Variants in FLNA observed in about 807,000 individuals in gnomAD.
The protein encoded by FLNA is filamin-A.
FLNA carries 7 observed loss-of-function variants against 157.6 expected under a neutral mutation model. The ratio of observed to expected loss-of-function variants is 0.04; its 90% CI spans 0.03 to 0.08. The LOEUF (loss-of-function observed/expected upper bound fraction) is 0.08. FLNA is among the 10% of genes least tolerant of loss of function. The pLI, the probability that FLNA is intolerant of heterozygous loss-of-function variation, is 1.00. For synonymous variants in FLNA, 1,103 were observed against 1,060.8 expected (o/e 1.04, Z -0.77); for missense variants, 1,750 against 2,398.4 (o/e 0.73, Z 5.65).
At chrX:154,368,528 A>T (rs1027491066) in intron 2 of FLNA, among the ~76,000 whole-genome samples, 1 of 111,314 alleles carries the variant, frequency 9.0e-6, no homozygotes, top group African/African-American at 3.3e-5. Context: ...TCCAGGGCCC[A>T]TGACCTGGAG....
intron 2 of FLNA, among the ~76,000 whole-genome samples, chrX:154,370,259 G>A (rs1272767736): frequency 8.9e-6 from 1 of 112,729 alleles, no homozygotes; most frequent in Non-Finnish European, 1.9e-5. Flanking sequence ...AGTCAACCAC[G>A]CCCAACTCAC....
At chrX:154,372,129 C>G (rs5945422) in intron 1 of FLNA, among the ~76,000 whole-genome samples, 1,598 of 113,390 alleles carry the variant, frequency 0.014, 13 homozygotes, top group Non-Finnish European at 0.024. Context: ...AGGAGGCCGC[C>G]GGCACTCCAG....
At position 154,366,045 on chromosome X, in the gene FLNA, AG is replaced by A; in HGVS notation, c.1407del (p.Tyr470ThrfsTer28). ...TFAGVPIPRS[P>X]YTVTVGQACN... ...CTACCTTGGCCAACAGTGACAGTGT[AG>A]GGGCTGCGAGGGATGGGCACGCCGG... On this transcript the variant is annotated frameshift_variant, in exon 9 of 48. Coordinates refer to ENST00000369850, the MANE Select transcript of FLNA (RefSeq NM_001110556.2). LOFTEE classifies it high-confidence loss of function. 8.3e-7 allele frequency: 1 copy of A among 1,207,057 alleles called. No homozygotes were observed.
rs1300433543 is a variant in FLNA, at chrX:154,348,598, C to T, written c.*251G>A. On this transcript the variant is annotated 3_prime_UTR_variant, in exon 48 of 48. Transcript: ENST00000369850. ...CTAGTGGGTGGTTGTGTACAGGACCCCCATCCCTCACCCCTCCCAGAACCA... is the reference window on the plus strand; with the variant it reads ...CTAGTGGGTGGTTGTGTACAGGACCTCCATCCCTCACCCCTCCCAGAACCA... The T allele has an allele frequency of 7.9e-6, 3 of 379,976 alleles. No individual in the cohort carries two copies. Among genetic ancestry groups the T allele is most frequent in the Middle Eastern group, 3.7e-4 (1 of 2,698 alleles). 31.3% of individuals were successfully genotyped at this position (379,976 alleles called of 1,213,427 possible).
In FLNA at chrX:154,350,112, T is replaced by C; in HGVS notation, c.7252A>G (p.Ile2418Val). Residue 2418 changes from isoleucine to valine, a missense_variant, in exon 45 of 48, where the codon ATC (isoleucine) becomes GTC (valine). By Grantham distance (29) the Ile-to-Val change is conservative. This residue lies in a region of FLNA where 970 missense variants were observed against 1,302.6 expected (regional missense o/e 0.74). Transcript: ENST00000369850. ...CCATGCCCAGGCTCCCCAACTCGGA[T>C]CTTGAAGGGGCTTCCAGGGATGTGG... ...GTHIPGSPFK[I>V]RVGEPGHGGD... is the part of the protein sequence containing the mutation. 8.3e-7 allele frequency: 1 copy of C among 1,211,234 alleles called. No homozygotes were observed. Among genetic ancestry groups the C allele is most frequent in the Admixed American group, 2.2e-5 (1 of 46,122 alleles).
In FLNA at chrX:154,366,765, C is replaced by T. The variant is rs2148118437; in HGVS notation, c.954G>A (p.Val318=). The T allele has an allele frequency of 8.3e-7, 1 of 1,211,388 alleles. No homozygotes were observed. Among genetic ancestry groups the T allele is most frequent in the East Asian group, 3.0e-5 (1 of 33,872 alleles). ...GGTGTCCGGCCGGGTCCTCCACGTA[C>T]ACCAGCACCTCTCCCTGGCCAGCAC... The part of the protein sequence containing the change: ...TRSAGQGEVL[V]YVEDPAGHQE... Residue 318 remains valine (V), a synonymous_variant, in exon 6 of 48, where the codon GTG becomes GTA. Coordinates refer to ENST00000369850, the MANE Select transcript of FLNA (RefSeq NM_001110556.2).
In FLNA at chrX:154,366,721, G is replaced by A. The variant is rs782385981; in HGVS notation, c.987+11C>T. 1 of 1,201,571 alleles carries A rather than the reference G, an allele frequency of 8.3e-7. No homozygotes were observed. The highest frequency in any genetic ancestry group is 1.1e-6 in the Non-Finnish European group (1 of 885,897). ...CGCTGCGGGGCCTCTGCTGCCAGCA[G>A]CTGGCCCTACCTCCTCCTGGTGTCC... On this transcript the variant is annotated intron_variant, in intron 6 of 47. Transcript: ENST00000369850.
chrX:154,364,331 G>A lies in FLNA; in HGVS notation c.2064C>T (p.Ala688=), dbSNP rs782738252. The A allele has an allele frequency of 1.5e-5, 18 of 1,210,837 alleles. No homozygotes were observed. Among genetic ancestry groups the A allele is most frequent in the Middle Eastern group, 2.3e-4 (1 of 4,335 alleles). The change falls in exon 14 of 48, where the codon GCC becomes GCT. Residue 688 remains alanine (A), a synonymous_variant. Coordinates refer to ENST00000369850, the MANE Select transcript of FLNA (RefSeq NM_001110556.2). ...CTGTGAACTCTGCTGGCTTGTTGAC[G>A]GCCACACCTGTCTTCTCCAATCCAG... ...RGPGLEKTGV[A]VNKPAEFTVD... is the part of the protein sequence containing the mutation.
intron 44 of FLNA, 49 bp from the exon 45 acceptor site, chrX:154,350,256 A>C (rs782165320): frequency 9.1e-7 from 1 of 1,104,384 alleles, no homozygotes; most frequent in South Asian, 1.8e-5. Context: ...TCCTCAAACC[A>C]GCAGATGGTG....
In FLNA at chrX:154,359,781, C is replaced by G; in HGVS notation, c.3930G>C (p.Gln1310His). Residue 1310 changes from glutamine (Q) to histidine (H), a missense_variant, in exon 23 of 48, where the codon CAG becomes CAC. Gln to His is a conservative substitution (Grantham distance 24). This residue lies in a region of FLNA where 970 missense variants were observed against 1,302.6 expected (regional missense o/e 0.74). Coordinates refer to ENST00000369850, the MANE Select transcript of FLNA (RefSeq NM_001110556.2). ...PSGNLTETYVQDRGDGMYKVE... is the reference protein window; with the variant it reads ...PSGNLTETYVHDRGDGMYKVE... ...CTTTGTACATGCCATCGCCACGGTC[C>G]TGAACGTAGGTCTCCGTCAGGTTGC... The G allele has an allele frequency of 1.7e-6, 2 of 1,211,049 alleles. No homozygotes were observed. Among genetic ancestry groups the G allele is most frequent in the Non-Finnish European group, 1.1e-6 (1 of 895,497 alleles).
chrX:154,363,469 C>T lies in FLNA; in HGVS notation c.2280+553G>A, dbSNP rs185572641. Among the ~76,000 whole-genome samples the T allele has an allele frequency of 4.8e-3, 531 of 109,715 alleles. 21 individuals are homozygous for T. The East Asian group carries it at 0.12, about 25-fold the overall frequency. Reference sequence around the variant, plus strand: ...GTGGCTCATGCCTGTCATCCCAGCACTTTGGGAGGCCGAGGTGGGCAGATC... The same window carrying T: ...GTGGCTCATGCCTGTCATCCCAGCATTTTGGGAGGCCGAGGTGGGCAGATC... On this transcript the variant is annotated intron_variant, in intron 15 of 47. Transcript: ENST00000369850.
intron 26 of FLNA, 32 bp from the exon 27 acceptor site, chrX:154,358,600 T>C (rs782504419): frequency 1.7e-6 from 2 of 1,204,297 alleles, no homozygotes; most frequent in Non-Finnish European, 1.1e-6. Flanking sequence ...GAGCATCAGC[T>C]AGTCTCCTGG....
chrX:154,360,093 C>G lies in FLNA; in HGVS notation c.3702G>C (p.Lys1234Asn). The G allele has an allele frequency of 8.3e-7, 1 of 1,211,371 alleles. No individual in the cohort carries two copies. The highest frequency in any genetic ancestry group is 1.1e-6 in the Non-Finnish European group (1 of 895,373). ...LCPGAYTVTIKYGGQPVPNFP... is the reference protein window; with the variant it reads ...LCPGAYTVTINYGGQPVPNFP... Reference sequence around the variant, plus strand: ...AGTTGGGCACGGGCTGGCCGCCGTACTTGATGGTGACGGTGTAGGCCCCGG... The same window carrying G: ...AGTTGGGCACGGGCTGGCCGCCGTAGTTGATGGTGACGGTGTAGGCCCCGG... Residue 1234 changes from lysine (K) to asparagine (N), a missense_variant, in exon 22 of 48, where the codon AAG becomes AAC. Coordinates refer to ENST00000369850, the MANE Select transcript of FLNA (RefSeq NM_001110556.2).
At chrX:154,355,136 C>T (rs2067653149) in intron 30 of FLNA, 64 bp from the exon 31 acceptor site, 8 of 1,123,736 alleles carry the variant, frequency 7.1e-6, no homozygotes, top group South Asian at 4.1e-5. Context: ...AGGTTGTTCC[C>T]GTCCGCCTGC....
chrX:154,362,026 C>T lies in FLNA; in HGVS notation c.2779G>A (p.Asp927Asn), dbSNP rs782296131. Residue 927 changes from aspartate (D) to asparagine (N), a missense_variant, in exon 19 of 48, where the codon GAC (aspartate) becomes AAC (asparagine). Asp to Asn is a conservative substitution (Grantham distance 23, BLOSUM62 1). This residue lies in a region of FLNA where 648 missense variants were observed against 805.8 expected (regional missense o/e 0.80). Coordinates refer to ENST00000369850, the MANE Select transcript of FLNA (RefSeq NM_001110556.2). The stretch of plus-strand genomic sequence containing the variant: ...ACTGTGTAGGTGTTGTCATGGTGGT[C>T]GATGATGTCCACATCTCGCACTGCA... ...GDAVRDVDIIDHHDNTYTVKY... is the reference protein window; with the variant it reads ...GDAVRDVDIINHHDNTYTVKY... 5.8e-6 allele frequency: 7 copies of T among 1,207,799 alleles called. No homozygotes were observed. The East Asian group carries it at 1.5e-4, about 26-fold the overall frequency.
rs782099039 is a variant in FLNA at position 154,370,988 on chromosome X, C to T, written c.258G>A (p.Gln86=). ...RLIALLEVLS[Q]KKMHRKHNQR... ...GGTTGTGCTTGCGGTGCATCTTCTT[C>T]TGGCTGAGCACCTCCAACAGCGCGA... The change falls in exon 2 of 48, where the codon CAG becomes CAA. Residue 86 remains glutamine (Q), a synonymous_variant. Coordinates refer to ENST00000369850, the MANE Select transcript of FLNA (RefSeq NM_001110556.2). The T allele has an allele frequency of 9.9e-6, 12 of 1,209,862 alleles. No homozygotes were observed. In the South Asian group the frequency reaches 1.6e-4, roughly 16 times the overall value.
At chrX:154,372,585 T>G (rs781836060) in intron 1 of FLNA, among the ~76,000 whole-genome samples, 60 of 110,972 alleles carry the variant, frequency 5.4e-4, no homozygotes, top group African/African-American at 1.8e-3. Context: ...AGATGTAGAC[T>G]GGGACCAGGG....
Position 154,348,748 on chromosome X carries a change from G to A in FLNA, c.*101C>T, listed in dbSNP as rs1348605983. ...GGCAGGGGCGGCTGCAGTGACAGGC[G>A]GGCGGCCAGGGCGGCCTGGGCCGGG... On this transcript the variant is annotated 3_prime_UTR_variant, in exon 48 of 48. Coordinates refer to ENST00000369850, the MANE Select transcript of FLNA (RefSeq NM_001110556.2). 10 of 750,682 alleles carry A rather than the reference G, an allele frequency of 1.3e-5. No individual in the cohort carries two copies. The South Asian group carries it at 1.3e-4, about 10-fold the overall frequency. The allele number at this position is 750,682 out of a possible 1,213,427, so 61.9% of individuals were successfully genotyped here. A position where few individuals can be genotyped will look rare whatever the true frequency, so the allele number is the denominator to read the frequency against.
intron 1 of FLNA, among the ~76,000 whole-genome samples, chrX:154,371,895 G>C (rs2067811360): frequency 8.8e-6 from 1 of 113,656 alleles, no homozygotes; most frequent in African/African-American, 3.2e-5. Flanking sequence ...CGAACCCCTG[G>C]AGAGCGGCAG....
Sources: gnomAD v4.1 joint callset for allele counts (sites outside exome capture counted in the v4.1 genomes callset) on GRCh38, gnomAD v4.1.1 for gene constraint, gnomAD v4.1.1 regional missense constraint, MANE v1.5 for transcripts, NCBI Gene and HGNC (gene_info 2026-07-23, HGNC 2026-07-21) for gene names.